The following WNT3A variants were observed in gnomAD, a reference collection of about 807,000 sequenced individuals.
WNT3A encodes the protein Wnt family member 3A.
In WNT3A, 17 loss-of-function variants were observed where a neutral mutation model predicts 37.0. That is an observed-to-expected ratio of 0.46 (90% CI 0.31 to 0.69). The LOEUF is 0.69. WNT3A is among the 30% of genes least tolerant of loss of function. The pLI, the probability that WNT3A is intolerant of heterozygous loss-of-function variation, is 0.05. For missense variants in WNT3A, 411 were observed against 510.2 expected (o/e 0.81, Z 1.87); for synonymous variants, 187 against 211.0 (o/e 0.89, Z 0.99).
chr1:228,049,535 C>T (rs775726201), intron 2 of WNT3A, among the ~76,000 whole-genome samples: 15 of 152,192 alleles, frequency 9.9e-5, no homozygotes, highest in Non-Finnish European at 1.0e-4. Flanking sequence ...GCAAACCTAA[C>T]GGCTGGTGGA....
intron 2 of WNT3A, among the ~76,000 whole-genome samples, chr1:228,027,104 A>G (rs1005052713): frequency 6.6e-6 from 1 of 152,112 alleles, no homozygotes; most frequent in Non-Finnish European, 1.5e-5. Context: ...CAGCCTCCCT[A>G]AGTGCTGGGA....
In WNT3A at chr1:228,055,182, ATATATATATATATATATATATAT is replaced by A. The variant is rs2031657905; in HGVS notation, c.580-3803_580-3781del. On this transcript the variant is annotated intron_variant, in intron 3 of 3. Coordinates refer to ENST00000284523, the MANE Select transcript of WNT3A (RefSeq NM_033131.4). ...CCAAAAAAAAAAAAAAAAAAAAAAT[ATATATATATATATATATATATAT>A]ATATATATATATATACACACACACA... Among the ~76,000 whole-genome samples the A allele has an allele frequency of 7.7e-5, 2 of 26,106 alleles. 1 individual carries two copies. The highest frequency in any genetic ancestry group is 4.0e-3 in the East Asian group (2 of 502). The allele number at this position is 26,106 out of a possible 152,430, so 17.1% of individuals were successfully genotyped here.
Position 228,007,282 on chromosome 1 carries a change from T to C in WNT3A, c.71+83T>C, listed in dbSNP as rs1571787657. Reference sequence around the variant, plus strand: ...GTCCCCTCGGGCAGGGACCCCGCGGTGGCCCGAGCCCGCGCCCTTCTGCTC... The same window carrying C: ...GTCCCCTCGGGCAGGGACCCCGCGGCGGCCCGAGCCCGCGCCCTTCTGCTC... On this transcript the variant is annotated intron_variant, in intron 1 of 3. Coordinates refer to ENST00000284523, the MANE Select transcript of WNT3A (RefSeq NM_033131.4). The surrounding 1 kb of genome is among the most constrained non-coding windows in gnomAD (Gnocchi z 6.0). 5.6e-6 allele frequency: 8 copies of C among 1,419,266 alleles called. No homozygotes were observed. The highest frequency in any genetic ancestry group is 5.3e-5 in the East Asian group (2 of 37,982). The allele number at this position is 1,419,266 out of a possible 1,614,324, so 87.9% of individuals were successfully genotyped here. A position where few individuals can be genotyped will look rare whatever the true frequency, so the allele number is the denominator to read the frequency against.
At chr1:228,043,519 A>G (rs2031336753) in intron 2 of WNT3A, among the ~76,000 whole-genome samples, 1 of 152,186 alleles carries the variant, frequency 6.6e-6, no homozygotes, top group Admixed American at 6.5e-5. Context: ...CACGGGCAAG[A>G]TGCCTCCGTT....
intron 2 of WNT3A, among the ~76,000 whole-genome samples, chr1:228,043,243 C>A (rs541233503): frequency 1.3e-5 from 2 of 152,284 alleles, no homozygotes; most frequent in African/African-American, 4.8e-5. Context: ...ATGCAGTTTC[C>A]TTTCTTCTTC....
chr1:228,011,619 C>T (rs1308734347), intron 1 of WNT3A, among the ~76,000 whole-genome samples: 1 of 152,216 alleles, frequency 6.6e-6, no homozygotes, highest in Non-Finnish European at 1.5e-5. Flanking sequence ...CTGTCTCTCT[C>T]TGCCTGTTTC....
Position 228,059,509 on chromosome 1 carries a change from G to A in WNT3A, c.*44G>A. 1 of 1,466,516 alleles carries A rather than the reference G, an allele frequency of 6.8e-7. No homozygotes were observed. Among genetic ancestry groups the A allele is most frequent in the Non-Finnish European group, 9.0e-7 (1 of 1,116,814 alleles). 90.8% of individuals were successfully genotyped at this position (1,466,516 alleles called of 1,614,324 possible). A position where few individuals can be genotyped will look rare whatever the true frequency, so the allele number is the denominator to read the frequency against. On this transcript the variant is annotated 3_prime_UTR_variant, in exon 4 of 4. Coordinates refer to ENST00000284523, the MANE Select transcript of WNT3A (RefSeq NM_033131.4). ...CCTGGACGGGGCGGGCCCTGCCTGA[G>A]GGTGGGCTTTTCCCTGGGTGGAGCA... is the stretch of plus-strand genomic sequence containing the variant.
chr1:228,007,097 A>C lies in WNT3A; in HGVS notation c.-32A>C. 4 of 1,495,310 alleles carry C rather than the reference A, an allele frequency of 2.7e-6. No homozygotes were observed. Among genetic ancestry groups the C allele is most frequent in the African/African-American group, 1.5e-5 (1 of 67,934 alleles). 92.6% of individuals were successfully genotyped at this position (1,495,310 alleles called of 1,614,324 possible). A position where few individuals can be genotyped will look rare whatever the true frequency, so the allele number is the denominator to read the frequency against. The stretch of plus-strand genomic sequence containing the variant: ...CCCGGCGCTCACGCTCTCGGGGCGG[A>C]CTCCCGGCCCTCCGCGCCCTCTCGC... On this transcript the variant is annotated 5_prime_UTR_variant, in exon 1 of 4. Coordinates refer to ENST00000284523, the MANE Select transcript of WNT3A (RefSeq NM_033131.4). The surrounding 1 kb of genome is among the most constrained non-coding windows in gnomAD (Gnocchi z 6.0).
At chr1:228,024,553 T>G (rs2030807447) in intron 2 of WNT3A, among the ~76,000 whole-genome samples, 1 of 152,218 alleles carries the variant, frequency 6.6e-6, no homozygotes, top group South Asian at 2.1e-4. Context: ...TCTTTATATA[T>G]TCTGGATACT....
rs377354979 is a variant in WNT3A, at chr1:228,054,400, G to A, written c.579+3479G>A. 7.3e-5 allele frequency among the ~76,000 whole-genome samples: 11 copies of A among 151,158 alleles called. 1 individual carries two copies. Among genetic ancestry groups the A allele is most frequent in the Middle Eastern group, 3.4e-3 (1 of 290 alleles). The stretch of plus-strand genomic sequence containing the variant: ...AGCACTTTGGGAGGCCGAGGTGGGC[G>A]GATCGTGAGGTCAGGAGATTGAAAC... On this transcript the variant is annotated intron_variant, in intron 3 of 3. Transcript: ENST00000284523.
At chr1:228,041,046 TATC>T (rs1206440229) in intron 2 of WNT3A, among the ~76,000 whole-genome samples, 7 of 129,206 alleles carry the variant, frequency 5.4e-5, no homozygotes, top group South Asian at 2.5e-4. Context: ...TCTATCTATC[TATC>T]ATCTATCTAT....
intron 2 of WNT3A, among the ~76,000 whole-genome samples, chr1:228,036,985 G>A (rs541369084): frequency 6.6e-6 from 1 of 152,158 alleles, no homozygotes; most frequent in African/African-American, 2.4e-5. Context: ...CCACATGCTC[G>A]GTGCCCTCTA....
In WNT3A at chr1:228,059,307, T is replaced by A. The variant is rs1181222661; in HGVS notation, c.901T>A (p.Ser301Thr). ...GTRDRTCNVS[S>T]HGIDGCDLLC... ...GCGCGACCGCACCTGCAACGTCAGC[T>A]CGCACGGCATCGACGGCTGCGACCT... Residue 301 changes from serine (S) to threonine (T), a missense_variant, in exon 4 of 4, where the codon TCG becomes ACG. Coordinates refer to ENST00000284523, the MANE Select transcript of WNT3A (RefSeq NM_033131.4). The A allele has an allele frequency of 6.3e-7, 1 of 1,580,480 alleles. No homozygotes were observed. Among genetic ancestry groups the A allele is most frequent in the Non-Finnish European group, 8.6e-7 (1 of 1,168,230 alleles).
rs575383350 is a variant in WNT3A, at chr1:228,037,502, G to T, written c.314-13154G>T. Among the ~76,000 whole-genome samples, 12 of 151,820 alleles carry T rather than the reference G, an allele frequency of 7.9e-5. No homozygotes were observed. Among genetic ancestry groups the T allele is most frequent in the Admixed American group, 7.9e-4 (12 of 15,282 alleles). ...CCCAGGAGCCCCTCGGGGGTGGTCCGCCACCTCCCTGTGTGTCCCCTGCCT... is the reference window on the plus strand; with the variant it reads ...CCCAGGAGCCCCTCGGGGGTGGTCCTCCACCTCCCTGTGTGTCCCCTGCCT... On this transcript the variant is annotated intron_variant, in intron 2 of 3. Coordinates refer to ENST00000284523, the MANE Select transcript of WNT3A (RefSeq NM_033131.4). This position sits in a 1 kb window ranked among gnomAD's most constrained non-coding sequence, Gnocchi z 4.1.
At position 228,031,902 on chromosome 1, in the gene WNT3A, C is replaced by T. The variant is rs1269971069; in HGVS notation, c.313+8994C>T. ...CAGAGCCAGGATGGGGTGCTTAGGG[C>T]TGCCACTCCCCCTCTGAGAAGGAAG... On this transcript the variant is annotated intron_variant, in intron 2 of 3. Coordinates refer to ENST00000284523, the MANE Select transcript of WNT3A (RefSeq NM_033131.4). This position sits in a 1 kb window ranked among gnomAD's most constrained non-coding sequence, Gnocchi z 4.8. Among the ~76,000 whole-genome samples, 1 of 152,130 alleles carries T rather than the reference C, an allele frequency of 6.6e-6. No individual in the cohort carries two copies. The highest frequency in any genetic ancestry group is 1.5e-5 in the Non-Finnish European group (1 of 68,020).
intron 2 of WNT3A, among the ~76,000 whole-genome samples, chr1:228,043,648 A>G (rs10916261): frequency 0.2 from 29,859 of 152,218 alleles, 4,174 homozygotes; most frequent in African/African-American, 0.39. Context: ...GCCTGGACGT[A>G]AGTCCTGGCC....
At chr1:228,057,064 T>G (rs1009836407) in intron 3 of WNT3A, among the ~76,000 whole-genome samples, 1 of 152,162 alleles carries the variant, frequency 6.6e-6, no homozygotes, top group African/African-American at 2.4e-5. Flanking sequence ...TTGGACATCT[T>G]GAAGAGAATA....
chr1:228,033,817 T>C (rs2031072602), intron 2 of WNT3A, among the ~76,000 whole-genome samples: 2 of 152,252 alleles, frequency 1.3e-5, no homozygotes, highest in South Asian at 4.1e-4. Flanking sequence ...AGGTCTTTAA[T>C]TTCTTTCATG....
chr1:228,014,739 G>A (rs1006868500), intron 1 of WNT3A, among the ~76,000 whole-genome samples: 3 of 152,252 alleles, frequency 2.0e-5, no homozygotes, highest in South Asian at 2.1e-4. Flanking sequence ...CCTACCGCCC[G>A]CCTTGTGGTC....
Sources: gnomAD v4.1 joint callset for allele counts (sites outside exome capture counted in the v4.1 genomes callset) on GRCh38, gnomAD v4.1.1 for gene constraint, Gnocchi (gnomAD v3.1) non-coding constraint, MANE v1.5 for transcripts, NCBI Gene and HGNC (gene_info 2026-07-23, HGNC 2026-07-21) for gene names.